Variants in BTNL3 observed in about 807,000 individuals in gnomAD.
BTNL3 encodes the protein butyrophilin like 3.
Under a neutral mutation model 40.1 loss-of-function variants are expected in BTNL3, and 20 were observed. The observed-to-expected ratio is 0.50, with a 90% CI of 0.35 to 0.72. The LOEUF (loss-of-function observed/expected upper bound fraction) is 0.72, where lower values mean the gene tolerates loss of function less well. BTNL3 is among the 30% of genes least tolerant of loss of function. BTNL3 has a pLI of 0.01. For synonymous variants in BTNL3, 179 were observed against 222.1 expected, an observed-to-expected ratio of 0.81 and a Z score of 1.73; for missense variants, 449 against 582.2, an observed-to-expected ratio of 0.77 and a Z score of 2.35.
At position 181,006,109 on chromosome 5, in the gene BTNL3, G is replaced by T; in HGVS notation, c.*237G>T. 2 of 497,940 alleles carry T rather than the reference G, an allele frequency of 4.0e-6. No individual in the cohort carries two copies. Among genetic ancestry groups the T allele is most frequent in the Admixed American group, 7.2e-5 (2 of 27,760 alleles). The allele number at this position is 497,940 out of a possible 1,614,324, so 30.8% of individuals were successfully genotyped here. A position where few individuals can be genotyped will look rare whatever the true frequency, so the allele number is the denominator to read the frequency against. On this transcript the variant is annotated 3_prime_UTR_variant, in exon 8 of 8. Coordinates refer to ENST00000342868, the MANE Select transcript of BTNL3 (RefSeq NM_197975.3). ...CCTGTGGGAGTCAGAAGCCATGGCT[G>T]CCCTGAAGTGGGGACGGAATAGACT...
chr5:181,002,174 T>C (rs1186878374), intron 3 of BTNL3, among the ~76,000 whole-genome samples: 2 of 132,128 alleles, frequency 1.5e-5, no homozygotes, highest in African/African-American at 5.2e-5. Flanking sequence ...TATGGATCAA[T>C]GAGAGAGAAC....
At position 181,003,048 on chromosome 5, in the gene BTNL3, A is replaced by G. The variant is rs774080805; in HGVS notation, c.787+263A>G. Among the ~76,000 whole-genome samples, 10 of 135,682 alleles carry G rather than the reference A, an allele frequency of 7.4e-5. 3 individuals are homozygous for G. The highest frequency in any genetic ancestry group is 1.2e-4 in the Non-Finnish European group (7 of 59,384). The allele number at this position is 135,682 out of a possible 152,430, so 89.0% of individuals were successfully genotyped here. A position where few individuals can be genotyped will look rare whatever the true frequency, so the allele number is the denominator to read the frequency against. On this transcript the variant is annotated intron_variant, in intron 4 of 7. Coordinates refer to ENST00000342868, the MANE Select transcript of BTNL3 (RefSeq NM_197975.3). ...CAGATAATTGATTTTCAGTACATAAAGAGTTCACATAAATTTCTACCAACA... is the reference window on the plus strand; with the variant it reads ...CAGATAATTGATTTTCAGTACATAAGGAGTTCACATAAATTTCTACCAACA...
In BTNL3 at chr5:181,002,773, T is replaced by C. The variant is rs756014635; in HGVS notation, c.775T>C (p.Phe259Leu). ...GVVMGMIIVF[F>L]KSKGKIQAEL... ...TGTCATGGGGATGATAATTGTTTTC[T>C]TCAAATCCAAAGGTAAGTGAGAGAG... Residue 259 changes from phenylalanine to leucine, a missense_variant, in exon 4 of 8, where the codon TTC becomes CTC. Phe to Leu is a conservative substitution (Grantham distance 22). Transcript: ENST00000342868. 3 of 1,452,588 alleles carry C rather than the reference T, an allele frequency of 2.1e-6. No individual in the cohort carries two copies. Among genetic ancestry groups the C allele is most frequent in the South Asian group, 2.2e-5 (2 of 89,212 alleles). The allele number at this position is 1,452,588 out of a possible 1,614,324, so 90.0% of individuals were successfully genotyped here.
At chr5:180,998,355 G>A (rs1760060803) in intron 3 of BTNL3, among the ~76,000 whole-genome samples, 1 of 135,916 alleles carries the variant, frequency 7.4e-6, no homozygotes, top group Non-Finnish European at 1.7e-5. Flanking sequence ...CCTTATACAT[G>A]TAAAACATAG....
In BTNL3 at chr5:181,006,365, CATTA is replaced by C. The variant is rs139156145; in HGVS notation, c.*497_*500del. On this transcript the variant is annotated 3_prime_UTR_variant, in exon 8 of 8. Coordinates refer to ENST00000342868, the MANE Select transcript of BTNL3 (RefSeq NM_197975.3). ...CCATAAACTCTGTTTGCTTATTCCACATTAATTTACTTTTCTCTATACCAAATCA... is the reference window on the plus strand; with the variant it reads ...CCATAAACTCTGTTTGCTTATTCCACATTTACTTTTCTCTATACCAAATCA... The C allele has an allele frequency of 4.6e-3, 891 of 194,692 alleles. 10 individuals are homozygous for C. The highest frequency in any genetic ancestry group is 0.02 in the African/African-American group (852 of 43,340). The allele number at this position is 194,692 out of a possible 1,614,324, so 12.1% of individuals were successfully genotyped here.
intron 2 of BTNL3, among the ~76,000 whole-genome samples, chr5:180,994,782 A>AT (rs200903601): frequency 0.012 from 1,480 of 120,576 alleles, 136 homozygotes; most frequent in African/African-American, 0.033. Context: ...GAGTTCAATA[A>AT]TTTTTTTTTT....
At chr5:181,003,825 T>C (rs534564980) in intron 4 of BTNL3, 31 bp from the exon 5 acceptor site, 2 of 1,614,150 alleles carry the variant, frequency 1.2e-6, no homozygotes, top group Admixed American at 1.7e-5. Flanking sequence ...CACTCCTGTG[T>C]CCACCACTGA....
intron 1 of BTNL3, 104 bp downstream of exon 1, chr5:180,989,181 G>A (rs1759939514): frequency 8.0e-7 from 1 of 1,242,440 alleles, no homozygotes; most frequent in South Asian, 1.5e-5. Flanking sequence ...AATCTTTGGT[G>A]CTTGCATTCT....
chr5:180,988,893 T>C lies in BTNL3; in HGVS notation c.-136T>C, dbSNP rs542015660. The C allele has an allele frequency of 7.7e-6, 8 of 1,036,416 alleles. 2 individuals are homozygous for C. In the East Asian group the frequency reaches 1.5e-4, roughly 20 times the overall value. The allele number at this position is 1,036,416 out of a possible 1,614,324, so 64.2% of individuals were successfully genotyped here. The stretch of plus-strand genomic sequence containing the variant: ...TGTTTAGGGAGGCTCTAGGGAGAAA[T>C]GCACAGTTTGACATCGTTCATGAAG... On this transcript the variant is annotated 5_prime_UTR_variant, in exon 1 of 8. It removes an upstream start codon present in the reference 5' UTR. Coordinates refer to ENST00000342868, the MANE Select transcript of BTNL3 (RefSeq NM_197975.3).
chr5:180,992,911 G>A lies in BTNL3; in HGVS notation c.148G>A (p.Ala50Thr), dbSNP rs1327415483. ...CSLFPETSAE[A>T]MEVRFFRNQF... ...CCTCTTTCCTGAGACCAGTGCAGAG[G>A]CTATGGAAGTGCGGTTCTTCAGGAA... The change falls in exon 2 of 8, where the codon GCT (alanine) becomes ACT (threonine). Residue 50 changes from alanine (A) to threonine (T), a missense_variant. Around this residue, in one of 2 missense-constraint regions of BTNL3, gnomAD observed 323 missense variants for 464.9 expected, o/e 0.69. Coordinates refer to ENST00000342868, the MANE Select transcript of BTNL3 (RefSeq NM_197975.3). 1.3e-5 allele frequency: 19 copies of A among 1,463,354 alleles called. 1 individual carries two copies. In the African/African-American group the frequency reaches 2.6e-4, roughly 20 times the overall value. 90.6% of individuals were successfully genotyped at this position (1,463,354 alleles called of 1,614,324 possible). A position where few individuals can be genotyped will look rare whatever the true frequency, so the allele number is the denominator to read the frequency against.
At position 181,005,982 on chromosome 5, in the gene BTNL3, G is replaced by C. The variant is rs2113091889; in HGVS notation, c.*110G>C. The C allele has an allele frequency of 8.2e-7, 1 of 1,226,102 alleles. No homozygotes were observed. Among genetic ancestry groups the C allele is most frequent in the Non-Finnish European group, 1.1e-6 (1 of 898,034 alleles). 76.0% of individuals were successfully genotyped at this position (1,226,102 alleles called of 1,614,324 possible). A position where few individuals can be genotyped will look rare whatever the true frequency, so the allele number is the denominator to read the frequency against. On this transcript the variant is annotated 3_prime_UTR_variant, in exon 8 of 8. Transcript: ENST00000342868. The stretch of plus-strand genomic sequence containing the variant: ...TTCCTCTCCGGAGCCTGCGCACAGA[G>C]AGTCACGCCCCCCACTCTCCTTTAG...
Position 180,989,367 on chromosome 5 carries a change from G to A in BTNL3, c.49+290G>A, listed in dbSNP as rs570332918. Reference sequence around the variant, plus strand: ...AGCAGGGAGGGAACACATTGAGAACGCCAAGGTAAACACATTGTTCTCCCC... The same window carrying A: ...AGCAGGGAGGGAACACATTGAGAACACCAAGGTAAACACATTGTTCTCCCC... On this transcript the variant is annotated intron_variant, in intron 1 of 7. Transcript: ENST00000342868. 4.0e-4 allele frequency among the ~76,000 whole-genome samples: 55 copies of A among 136,902 alleles called. 6 individuals carry two copies. Among genetic ancestry groups the A allele is most frequent in the South Asian group, 3.0e-3 (14 of 4,602 alleles). The allele number at this position is 136,902 out of a possible 152,430, so 89.8% of individuals were successfully genotyped here. A position where few individuals can be genotyped will look rare whatever the true frequency, so the allele number is the denominator to read the frequency against.
chr5:180,991,271 C>T (rs930591373), intron 1 of BTNL3, among the ~76,000 whole-genome samples: 1 of 137,882 alleles, frequency 7.3e-6, no homozygotes, highest in South Asian at 2.1e-4. Flanking sequence ...ATAAAATGTA[C>T]TTAAACTTAG....
chr5:181,000,219 A>G (rs1487956020), intron 3 of BTNL3, among the ~76,000 whole-genome samples: 1 of 137,204 alleles, frequency 7.3e-6, no homozygotes, highest in East Asian at 2.1e-4. Flanking sequence ...TTAGGTCAAC[A>G]TGGGAACATA....
Position 181,005,842 on chromosome 5 carries a change from CA to C in BTNL3, c.1372del (p.Ile458TyrfsTer96). 6.2e-7 allele frequency: 1 copy of C among 1,611,380 alleles called. No homozygotes were observed. The highest frequency in any genetic ancestry group is 8.5e-7 in the Non-Finnish European group (1 of 1,178,562). On this transcript the variant is annotated frameshift_variant, in exon 8 of 8. Coordinates refer to ENST00000342868, the MANE Select transcript of BTNL3 (RefSeq NM_197975.3). LOFTEE classifies it low-confidence loss of function (END_TRUNC). ...TGTATGACGAGGAAAAGGGGACTCCCATATTCATATGTCCAGTGTCCTGGGG... is the reference window on the plus strand; with the variant it reads ...TGTATGACGAGGAAAAGGGGACTCCCTATTCATATGTCCAGTGTCCTGGGG... ...AMYDEEKGTP[I>X]FICPVSWG
At chr5:180,999,075 C>G (rs1185086177) in intron 3 of BTNL3, among the ~76,000 whole-genome samples, 2 of 136,010 alleles carry the variant, frequency 1.5e-5, no homozygotes, top group South Asian at 4.4e-4. Context: ...TGCGGTGAGC[C>G]GAGATCATGC....
At chr5:180,992,669 T>C in intron 1 of BTNL3, 144 bp from the exon 2 acceptor site, 1 of 1,047,604 alleles carries the variant, frequency 9.5e-7, no homozygotes, top group Non-Finnish European at 1.4e-6. Flanking sequence ...CTCGCAAGTG[T>C]AAGATGTGCA....
chr5:180,998,080 GTAAAAA>G lies in BTNL3; in HGVS notation c.673+613_673+618del, dbSNP rs143999567. On this transcript the variant is annotated intron_variant, in intron 3 of 7. Coordinates refer to ENST00000342868, the MANE Select transcript of BTNL3 (RefSeq NM_197975.3). ...CAGAGCAAGACTCCATCTCAAAAAT[GTAAAAA>G]TAAAAATAAAAATAAAAATAGACAA... Among the ~76,000 whole-genome samples, 14 of 132,220 alleles carry G rather than the reference GTAAAAA, an allele frequency of 1.1e-4. 3 individuals are homozygous for G. Among genetic ancestry groups the G allele is most frequent in the African/African-American group, 2.4e-4 (9 of 38,216 alleles). 86.7% of individuals were successfully genotyped at this position (132,220 alleles called of 152,430 possible).
At chr5:180,992,778 T>C in intron 1 of BTNL3, 35 bp from the exon 2 acceptor site, 1 of 1,458,254 alleles carries the variant, frequency 6.9e-7, no homozygotes, top group Middle Eastern at 2.1e-4. Context: ...CTCAAGTGGA[T>C]TTTGCTCAGT....
Sources: allele counts gnomAD v4.1 joint callset (sites outside exome capture counted in the v4.1 genomes callset), GRCh38; gene constraint gnomAD v4.1.1; regional missense constraint gnomAD v4.1.1; transcripts MANE v1.5; gene names NCBI Gene and HGNC (gene_info 2026-07-23, HGNC 2026-07-21).